The following NOL4 variants were observed in gnomAD, a reference collection of about 807,000 sequenced individuals.
NOL4 encodes cancer/testis antigen 125.
NOL4 carries 17 observed loss-of-function variants against 75.9 expected under a neutral mutation model. The observed-to-expected ratio is 0.22, with a 90% confidence interval of 0.15 to 0.34. The LOEUF is 0.34. Ranked by LOEUF, NOL4 falls within the 10% of genes least tolerant of loss-of-function variation. NOL4 has a pLI of 1.00. For synonymous variants in NOL4, 292 were observed against 289.9 expected (o/e 1.01, Z -0.07); for missense variants, 614 against 793.5 (o/e 0.77, Z 2.72).
Position 34,175,161 on chromosome 18 carries a change from C to A in NOL4, c.265-45141G>T, listed in dbSNP as rs79398227. On this transcript the variant is annotated intron_variant, in intron 1 of 10. Transcript: ENST00000261592. ...ACATTCCTATACAGCCTGGTAGCCA[C>A]CAGAGAAAGGAGAATGGAACTGGGG... Among the ~76,000 whole-genome samples, 1,297 of 152,176 alleles carry A rather than the reference C, an allele frequency of 8.5e-3. 20 individuals carry two copies. The highest frequency in any genetic ancestry group is 0.03 in the African/African-American group (1,244 of 41,514).
At chr18:33,889,897 A>G (rs1202842830) in intron 9 of NOL4, among the ~76,000 whole-genome samples, 2 of 152,154 alleles carry the variant, frequency 1.3e-5, no homozygotes, top group Non-Finnish European at 2.9e-5. Flanking sequence ...TCAAAATAAT[A>G]AGAGATATTT....
chr18:34,152,336 G>T (rs2081680295), intron 1 of NOL4, among the ~76,000 whole-genome samples: 1 of 151,834 alleles, frequency 6.6e-6, no homozygotes, highest in Non-Finnish European at 1.5e-5. Flanking sequence ...ATGTCCACAT[G>T]CAGTGAATGA....
intron 6 of NOL4, among the ~76,000 whole-genome samples, chr18:33,972,187 A>C (rs1292999476): frequency 6.6e-6 from 1 of 152,078 alleles, no homozygotes; most frequent in Non-Finnish European, 1.5e-5. Flanking sequence ...AATTTAAACA[A>C]AAATTTAGTC....
At chr18:34,001,755 G>A (rs2073729422) in intron 6 of NOL4, 1 of 152,678 alleles carries the variant, frequency 6.5e-6, no homozygotes, top group Non-Finnish European at 1.5e-5. Context: ...ATCTGTAACT[G>A]TGTGTGATCA....
At chr18:33,966,686 C>T (rs1325786155) in intron 6 of NOL4, among the ~76,000 whole-genome samples, 1 of 151,972 alleles carries the variant, frequency 6.6e-6, no homozygotes, top group African/African-American at 2.4e-5. Flanking sequence ...AATGCAAACA[C>T]CAATAATGTT....
At chr18:34,031,947 C>T (rs1355078574) in intron 5 of NOL4, among the ~76,000 whole-genome samples, 1 of 152,188 alleles carries the variant, frequency 6.6e-6, no homozygotes, top group Non-Finnish European at 1.5e-5. Context: ...CAAAAAACAC[C>T]TGGAGATCTA....
chr18:34,065,197 G>A (rs1161818443), intron 5 of NOL4, among the ~76,000 whole-genome samples: 1 of 151,842 alleles, frequency 6.6e-6, no homozygotes, highest in Non-Finnish European at 1.5e-5. Flanking sequence ...ATGCTTGAAA[G>A]AGAATACACA....
At chr18:34,155,144 G>A (rs374349910) in intron 1 of NOL4, among the ~76,000 whole-genome samples, 1 of 151,852 alleles carries the variant, frequency 6.6e-6, no homozygotes, top group Admixed American at 6.6e-5. Context: ...ACAAATACGT[G>A]AAAGTTGGTC....
intron 9 of NOL4, among the ~76,000 whole-genome samples, chr18:33,941,289 G>A (rs1468052331): frequency 6.6e-6 from 1 of 151,864 alleles, no homozygotes; most frequent in East Asian, 1.9e-4. Context: ...ATTATAGGTA[G>A]TATATAATAT....
intron 6 of NOL4, among the ~76,000 whole-genome samples, chr18:34,005,118 T>G (rs2146269393): frequency 6.6e-6 from 1 of 152,236 alleles, no homozygotes; most frequent in African/African-American, 2.4e-5. Context: ...ATTTAAAAAC[T>G]AATATAAATG....
intron 2 of NOL4, among the ~76,000 whole-genome samples, chr18:34,114,056 T>A (rs1464726898): frequency 2.0e-5 from 3 of 152,312 alleles, no homozygotes; most frequent in South Asian, 2.1e-4. Context: ...TTTAAAAAGA[T>A]TTTGATTCAG....
intron 9 of NOL4, among the ~76,000 whole-genome samples, chr18:33,888,357 A>T (rs977038286): frequency 1.3e-5 from 2 of 152,124 alleles, no homozygotes; most frequent in Non-Finnish European, 2.9e-5. Context: ...ATTTTCTCCC[A>T]TTCTGTAGGT....
intron 5 of NOL4, among the ~76,000 whole-genome samples, chr18:34,080,971 CT>C (rs1156353665): frequency 6.6e-6 from 1 of 152,152 alleles, no homozygotes; most frequent in Non-Finnish European, 1.5e-5. Flanking sequence ...CTATCTGGAA[CT>C]TATTTATAAA....
At chr18:33,921,211 T>C (rs2067016968) in intron 9 of NOL4, among the ~76,000 whole-genome samples, 3 of 152,228 alleles carry the variant, frequency 2.0e-5, no homozygotes. Context: ...TCCAGAGTCT[T>C]ACTCACACTG....
intron 6 of NOL4, among the ~76,000 whole-genome samples, chr18:33,980,626 G>T (rs2071876003): frequency 1.3e-5 from 2 of 151,710 alleles, no homozygotes; most frequent in South Asian, 4.2e-4. Flanking sequence ...GAAAAACTGA[G>T]AAGCATTTGT....
intron 6 of NOL4, among the ~76,000 whole-genome samples, chr18:33,972,810 A>G (rs549591322): frequency 2.0e-5 from 3 of 152,232 alleles, no homozygotes; most frequent in Non-Finnish European, 2.9e-5. Flanking sequence ...CTTAATTTAA[A>G]AATACTCTAT....
At chr18:33,881,223 G>A (rs535888987) in intron 10 of NOL4, among the ~76,000 whole-genome samples, 148 of 150,576 alleles carry the variant, frequency 9.8e-4, no homozygotes, top group African/African-American at 3.4e-3. Context: ...TTTGTATCCT[G>A]AGACTTTGCT....
In NOL4 at chr18:34,172,273, G is replaced by C. The variant is rs763139306; in HGVS notation, c.265-42253C>G. On this transcript the variant is annotated intron_variant, in intron 1 of 10. Transcript: ENST00000261592. ...AAGTATTTATTGAAATTAATCTTTT[G>C]ACTAATATAACTGAATCACCCAGCT... 1.3e-5 allele frequency among the ~76,000 whole-genome samples: 2 copies of C among 152,162 alleles called. 1 individual carries two copies. Among genetic ancestry groups the C allele is most frequent in the South Asian group, 4.1e-4 (2 of 4,820 alleles).
intron 9 of NOL4, among the ~76,000 whole-genome samples, chr18:33,924,279 G>A (rs1229920003): frequency 6.6e-6 from 1 of 152,200 alleles, no homozygotes; most frequent in Non-Finnish European, 1.5e-5. Context: ...GGCAACAGTA[G>A]CCAAAGAACT....
Sources: allele counts gnomAD v4.1 joint callset (sites outside exome capture counted in the v4.1 genomes callset), GRCh38; gene constraint gnomAD v4.1.1; transcripts MANE v1.5; gene names NCBI Gene and HGNC (gene_info 2026-07-23, HGNC 2026-07-21).